Variants in MS4A10 observed in about 807,000 individuals in gnomAD.
MS4A10 encodes membrane spanning 4-domains A10, also known as membrane-spanning 4-domains subfamily A member 10.
In MS4A10, 27 loss-of-function variants were observed where a neutral mutation model predicts 27.7. The observed-to-expected ratio is 0.98, with a 90% CI of 0.72 to 1.35. MS4A10 has a LOEUF of 1.35. MS4A10 is among the 40% of genes most tolerant of loss of function. The probability of loss-of-function intolerance (pLI) is 0.00; values close to 1 mark genes in which losing one functional copy is unlikely to be tolerated. For missense variants in MS4A10, 338 were observed against 324.7 expected (o/e 1.04, Z -0.32); for synonymous variants, 139 against 131.2 (o/e 1.06, Z -0.41).
chr11:60,792,695 TCTA>T (rs2134752105), intron 4 of MS4A10, among the ~76,000 whole-genome samples: 1 of 152,318 alleles, frequency 6.6e-6, no homozygotes, highest in Admixed American at 6.5e-5. Context: ...TGGATTTGCA[TCTA>T]CTTCTCCTCT....
Position 60,794,152 on chromosome 11 carries a change from C to T in MS4A10, c.492+49C>T, listed in dbSNP as rs780479590. ...CCTCTGACTTCAGCGAAGGTGCTGCCTTGGATTTGGCCAACAGGAGGTTTC... is the reference window on the plus strand; with the variant it reads ...CCTCTGACTTCAGCGAAGGTGCTGCTTTGGATTTGGCCAACAGGAGGTTTC... On this transcript the variant is annotated intron_variant, in intron 5 of 7. Coordinates refer to ENST00000308287, the MANE Select transcript of MS4A10 (RefSeq NM_206893.4). The T allele has an allele frequency of 3.7e-6, 6 of 1,609,592 alleles. No homozygotes were observed. The Admixed American group carries it at 1.0e-4, about 27-fold the overall frequency.
chr11:60,799,515 A>C (rs1050464758), intron 7 of MS4A10, among the ~76,000 whole-genome samples: 1 of 152,208 alleles, frequency 6.6e-6, no homozygotes, highest in African/African-American at 2.4e-5. Context: ...ATGTGAAATA[A>C]AACGCAATTT....
intron 7 of MS4A10, among the ~76,000 whole-genome samples, chr11:60,798,804 C>A (rs1854577470): frequency 6.6e-6 from 1 of 152,250 alleles, no homozygotes; most frequent in Non-Finnish European, 1.5e-5. Flanking sequence ...GCCTTCCCTG[C>A]CAGCCTCCAG....
intron 6 of MS4A10, among the ~76,000 whole-genome samples, chr11:60,795,993 G>A (rs17155314): frequency 0.12 from 17,765 of 152,130 alleles, 2,198 homozygotes; most frequent in East Asian, 0.68. Context: ...GGCAGGATTC[G>A]GACCCACAGG....
chr11:60,792,362 T>C (rs1380288649), intron 4 of MS4A10, 41 bp downstream of exon 4: 2 of 1,449,334 alleles, frequency 1.4e-6, no homozygotes, highest in African/African-American at 2.8e-5. Context: ...CATCTGAGCA[T>C]GGCATAACTT....
intron 1 of MS4A10, among the ~76,000 whole-genome samples, chr11:60,786,173 G>GCACATA (rs1854332499): frequency 7.1e-6 from 1 of 139,892 alleles, no homozygotes; most frequent in Admixed American, 6.9e-5. Context: ...GCACACACAT[G>GCACATA]CACACACACA....
chr11:60,789,693 C>A (rs1297181720), intron 1 of MS4A10, among the ~76,000 whole-genome samples: 1 of 152,174 alleles, frequency 6.6e-6, no homozygotes. Flanking sequence ...CGGTATTTAC[C>A]TCATAGGGTT....
chr11:60,790,306 T>A lies in MS4A10; in HGVS notation c.-22-8T>A. 6.2e-7 allele frequency: 1 copy of A among 1,611,608 alleles called. No individual in the cohort carries two copies. ...CGGGTTCTGACGGCCTTCCTCCCCG[T>A]CCTGCAGCCAGGGCCCCCATCCAGC... On this transcript the variant is annotated splice_polypyrimidine_tract_variant and splice_region_variant and intron_variant, in intron 1 of 7. Transcript: ENST00000308287.
At chr11:60,792,234 C>T in intron 3 of MS4A10, 31 bp from the exon 4 acceptor site, 1 of 1,596,448 alleles carries the variant, frequency 6.3e-7, no homozygotes, top group African/African-American at 1.3e-5. Context: ...ACCCCAGCTT[C>T]TCTCCTTTGA....
In MS4A10 at chr11:60,795,555, G is replaced by C. The variant is rs766152358; in HGVS notation, c.493G>C (p.Val165Leu). The C allele has an allele frequency of 6.5e-7, 1 of 1,543,394 alleles. No homozygotes were observed. Among genetic ancestry groups the C allele is most frequent in the East Asian group, 2.5e-5 (1 of 40,704 alleles). ...PIWRMYPNST[V>L]HIQRLELALL... ...GCCTTCCTTCCCTCTACCCTCTCAG[G>C]TCCACATCCAGAGGCTGGAGCTGGC... Residue 165 changes from valine to leucine, a missense_variant and splice_region_variant, in exon 6 of 8, where the codon GTC becomes CTC. Coordinates refer to ENST00000308287, the MANE Select transcript of MS4A10 (RefSeq NM_206893.4).
chr11:60,786,193 A>ATG (rs1565079187), intron 1 of MS4A10, among the ~76,000 whole-genome samples: 19 of 147,112 alleles, frequency 1.3e-4, no homozygotes, highest in African/African-American at 4.7e-4. Context: ...ACACACGCAC[A>ATG]CACACACACA....
chr11:60,790,375 A>G lies in MS4A10; in HGVS notation c.40A>G (p.Arg14Gly), dbSNP rs1053889722. 2.5e-6 allele frequency: 4 copies of G among 1,613,968 alleles called. No homozygotes were observed. The highest frequency in any genetic ancestry group is 3.4e-6 in the Non-Finnish European group (4 of 1,179,984). Residue 14 changes from arginine to glycine, a missense_variant, in exon 2 of 8, where the codon AGG becomes GGG. By Grantham distance (125) the Arg-to-Gly change is moderately radical. Transcript: ENST00000308287. ...EATVIPSRCA[R>G]GLPSWQVLSP... ...CACAGTTATTCCCAGCCGTTGTGCTAGGGGGCTCCCATCATGGCAAGTCCT... is the reference window on the plus strand; with the variant it reads ...CACAGTTATTCCCAGCCGTTGTGCTGGGGGGCTCCCATCATGGCAAGTCCT...
intron 7 of MS4A10, 68 bp from the exon 8 acceptor site, chr11:60,799,760 T>C (rs1042269839): frequency 2.6e-6 from 2 of 777,824 alleles, no homozygotes; most frequent in African/African-American, 3.4e-5. Flanking sequence ...TTAATCTCAA[T>C]GTCATTTAAT....
At chr11:60,792,367 T>C (rs1854445712) in intron 4 of MS4A10, 46 bp downstream of exon 4, 2 of 1,408,800 alleles carry the variant, frequency 1.4e-6, no homozygotes, top group Non-Finnish European at 2.0e-6. Context: ...GAGCATGGCA[T>C]AACTTTGTTA....
At chr11:60,796,649 GGTCACATCACTTCTCAAGGCGAA>G (rs1854539470) in intron 6 of MS4A10, among the ~76,000 whole-genome samples, 1 of 152,096 alleles carries the variant, frequency 6.6e-6, no homozygotes, top group African/African-American at 2.4e-5. Context: ...GGTCCAGAGA[GGTCACATCACTTCTCAAGGCGAA>G]GCAGCCAATT....
At chr11:60,791,214 C>A in intron 3 of MS4A10, 121 bp downstream of exon 3, 1 of 1,303,526 alleles carries the variant, frequency 7.7e-7, no homozygotes, top group Non-Finnish European at 1.0e-6. Context: ...GCGGCAGAAG[C>A]GAGGCCCTTT....
At chr11:60,786,684 G>A (rs529353153) in intron 1 of MS4A10, among the ~76,000 whole-genome samples, 1 of 152,272 alleles carries the variant, frequency 6.6e-6, no homozygotes, top group East Asian at 1.9e-4. Context: ...GGGATGGGGT[G>A]TACCATGTCT....
chr11:60,798,492 G>A lies in MS4A10; in HGVS notation c.700G>A (p.Ala234Thr), dbSNP rs201699534. 62 of 1,613,952 alleles carry A rather than the reference G, an allele frequency of 3.8e-5. No individual in the cohort carries two copies. Among genetic ancestry groups the A allele is most frequent in the Admixed American group, 1.5e-4 (9 of 60,008 alleles). Residue 234 changes from alanine (A) to threonine (T), a missense_variant, in exon 7 of 8, where the codon GCA (alanine) becomes ACA (threonine). Physicochemically the swap from Ala to Thr is moderately conservative, Grantham distance 58. Coordinates refer to ENST00000308287, the MANE Select transcript of MS4A10 (RefSeq NM_206893.4). Reference protein sequence around the residue: ...PSYQSVIQGDAQHKQHQRLRE... With the variant: ...PSYQSVIQGDTQHKQHQRLRE... ...CTACCAGAGTGTGATTCAAGGCGACGCACAACACAAGCAACATCAGAGGTG... is the reference window on the plus strand; with the variant it reads ...CTACCAGAGTGTGATTCAAGGCGACACACAACACAAGCAACATCAGAGGTG...
chr11:60,795,282 G>C (rs1005619973), intron 5 of MS4A10, among the ~76,000 whole-genome samples: 3 of 152,048 alleles, frequency 2.0e-5, no homozygotes, highest in Non-Finnish European at 2.9e-5. Context: ...TTCTTACCAG[G>C]GACCCATGAG....
Sources: allele counts gnomAD v4.1 joint callset (sites outside exome capture counted in the v4.1 genomes callset), GRCh38; gene constraint gnomAD v4.1.1; transcripts MANE v1.5; gene names NCBI Gene and HGNC (gene_info 2026-07-23, HGNC 2026-07-21).